The following NFIB variants were observed in gnomAD, a reference collection of about 807,000 sequenced individuals.
NFIB encodes the protein nuclear factor 1 B-type.
In NFIB, 11 loss-of-function variants were observed where a neutral mutation model predicts 61.5. The observed-to-expected ratio is 0.18, with a 90% CI of 0.11 to 0.30. The LOEUF is 0.30. NFIB is among the 10% of genes least tolerant of loss of function. The pLI is 1.00. For missense variants in NFIB, 471 were observed against 608.9 expected (o/e 0.77, Z 2.38); for synonymous variants, 260 against 216.5 (o/e 1.20, Z -1.76).
the NFIB span, among the ~76,000 whole-genome samples, chr9:14,507,869 G>A: frequency 4.6e-5 from 7 of 152,042 alleles, no homozygotes; most frequent in East Asian, 1.2e-3. Flanking sequence ...GCCGGCATCA[G>A]AAATAGACAG....
At chr9:14,386,316 T>C (rs2133016957) in intron 1 of NFIB, among the ~76,000 whole-genome samples, 1 of 152,310 alleles carries the variant, frequency 6.6e-6, no homozygotes, top group Admixed American at 6.5e-5. Flanking sequence ...TAGGAGCATA[T>C]GCTTGGATGA....
chr9:14,407,143 C>T, the NFIB span, among the ~76,000 whole-genome samples: 15 of 152,044 alleles, frequency 9.9e-5, no homozygotes, highest in South Asian at 2.1e-4. Flanking sequence ...TTTTCTTGCT[C>T]GCAACTAAAA....
chr9:14,169,899 G>A (rs377305112), intron 3 of NFIB, among the ~76,000 whole-genome samples: 18 of 152,148 alleles, frequency 1.2e-4, no homozygotes, highest in South Asian at 4.1e-4. Flanking sequence ...TCATAGTCAC[G>A]GAGAAGGAAA....
chr9:14,485,488 G>C, the NFIB span, among the ~76,000 whole-genome samples: 3 of 152,224 alleles, frequency 2.0e-5, no homozygotes, highest in African/African-American at 7.2e-5. Flanking sequence ...AATGGTATTA[G>C]TAGTTGTGTT....
intron 2 of NFIB, among the ~76,000 whole-genome samples, chr9:14,208,341 T>C (rs1029313537): frequency 1.3e-5 from 2 of 152,094 alleles, no homozygotes; most frequent in Non-Finnish European, 2.9e-5. Flanking sequence ...GGTTAAATTG[T>C]ACTAAAAAAG....
At chr9:14,511,996 T>C in the NFIB span, among the ~76,000 whole-genome samples, 1 of 152,188 alleles carries the variant, frequency 6.6e-6, no homozygotes, top group African/African-American at 2.4e-5. Flanking sequence ...TTTATTTAGG[T>C]ATAAAGAACA....
At chr9:14,509,364 A>T in the NFIB span, among the ~76,000 whole-genome samples, 17 of 152,344 alleles carry the variant, frequency 1.1e-4, no homozygotes, top group Admixed American at 3.9e-4. Context: ...TAATATGGCA[A>T]AATTAGTTCC....
the NFIB span, among the ~76,000 whole-genome samples, chr9:14,511,369 T>G: frequency 6.6e-6 from 1 of 152,086 alleles, no homozygotes; most frequent in Admixed American, 6.5e-5. Context: ...ATTATGTAAA[T>G]TTTTCATTTC....
At chr9:14,437,859 G>A in the NFIB span, among the ~76,000 whole-genome samples, 1 of 152,248 alleles carries the variant, frequency 6.6e-6, no homozygotes, top group African/African-American at 2.4e-5. Context: ...GAGGCCAAGA[G>A]TGGCAATCCG....
chr9:14,323,855 A>G (rs1452742655), intron 1 of NFIB, among the ~76,000 whole-genome samples: 1 of 152,214 alleles, frequency 6.6e-6, no homozygotes, highest in Admixed American at 6.5e-5. Flanking sequence ...TACACATCAT[A>G]CATACGTTTG....
intron 2 of NFIB, among the ~76,000 whole-genome samples, chr9:14,230,250 T>C (rs1247350145): frequency 1.3e-5 from 2 of 152,244 alleles, no homozygotes; most frequent in Non-Finnish European, 2.9e-5. Flanking sequence ...ATGAATTGCC[T>C]TCTATCTTCC....
chr9:14,275,574 A>C (rs1400836177), intron 2 of NFIB, among the ~76,000 whole-genome samples: 1 of 152,152 alleles, frequency 6.6e-6, no homozygotes, highest in East Asian at 1.9e-4. Context: ...CTGTGTATAT[A>C]AGTGAAAACC....
At chr9:14,441,269 G>C in the NFIB span, among the ~76,000 whole-genome samples, 119 of 152,146 alleles carry the variant, frequency 7.8e-4, no homozygotes, top group Admixed American at 1.3e-3. Context: ...GTGCCTCATG[G>C]AAAACCAAGA....
intron 1 of NFIB, among the ~76,000 whole-genome samples, chr9:14,389,268 A>G (rs1322130825): frequency 1.3e-5 from 2 of 152,078 alleles, no homozygotes; most frequent in African/African-American, 4.8e-5. Context: ...GTTTTCTAGA[A>G]TCACATGTTT....
Position 14,360,292 on chromosome 9 carries a change from AT to A in NFIB, c.108+38231del, listed in dbSNP as rs576189440. ...CTTACAATTTATTTGCCAGTAAGAA[AT>A]TTGGTATAGCCCCCATATTGAGGTC... On this transcript the variant is annotated intron_variant, in intron 1 of 8. Coordinates refer to the NFIB transcript ENST00000380934. Among the ~76,000 whole-genome samples the A allele has an allele frequency of 3.8e-3, 579 of 152,320 alleles. 4 individuals are homozygous for A. The highest frequency in any genetic ancestry group is 0.014 in the African/African-American group (563 of 41,580).
the NFIB span, among the ~76,000 whole-genome samples, chr9:14,429,748 C>A: frequency 6.6e-6 from 1 of 152,220 alleles, no homozygotes; most frequent in Non-Finnish European, 1.5e-5. Flanking sequence ...GCCGCCTCCC[C>A]ACCACTGCTA....
chr9:14,262,041 T>A (rs567291141), intron 2 of NFIB, among the ~76,000 whole-genome samples: 1 of 152,160 alleles, frequency 6.6e-6, no homozygotes, highest in East Asian at 1.9e-4. Flanking sequence ...CACATTTTGG[T>A]GTATCGGTTT....
At chr9:14,496,127 T>G in the NFIB span, among the ~76,000 whole-genome samples, 2 of 152,234 alleles carry the variant, frequency 1.3e-5, no homozygotes, top group South Asian at 4.1e-4. Flanking sequence ...CACTCTTACA[T>G]GTTGAGTATC....
At chr9:14,492,460 C>G in the NFIB span, among the ~76,000 whole-genome samples, 1 of 151,692 alleles carries the variant, frequency 6.6e-6, no homozygotes. Context: ...TGCAGTTATA[C>G]AGGACGAATG....
Sources: gnomAD v4.1 joint callset for allele counts (sites outside exome capture counted in the v4.1 genomes callset) on GRCh38, gnomAD v4.1.1 for gene constraint, MANE v1.5 for transcripts, NCBI Gene and HGNC (gene_info 2026-07-23, HGNC 2026-07-21) for gene names.